ATRX: variants seen among roughly 807,000 people sequenced by gnomAD.
ATRX encodes ATRX chromatin remodeler, also known as chromatin remodeler ATRX.
In ATRX, 12 loss-of-function variants were observed where a neutral mutation model predicts 172.6. The ratio of observed to expected loss-of-function variants is 0.07; its 90% CI spans 0.04 to 0.11. The LOEUF is 0.11. ATRX is among the 10% of genes least tolerant of loss of function. ATRX has a pLI of 1.00. For synonymous variants in ATRX, 674 were observed against 594.7 expected (o/e 1.13, Z -1.94); for missense variants, 1,368 against 1,767.4 (o/e 0.77, Z 4.05).
intron 27 of ATRX, among the ~76,000 whole-genome samples, chrX:77,584,608 A>G (rs1166146129): frequency 9.0e-6 from 1 of 111,688 alleles, no homozygotes; most frequent in Admixed American, 9.6e-5. Context: ...ATACATATTC[A>G]GGAGAAAAAA....
chrX:77,621,615 T>A (rs781970493), intron 19 of ATRX, among the ~76,000 whole-genome samples: 4 of 112,583 alleles, frequency 3.6e-5, no homozygotes, highest in South Asian at 7.2e-4. Flanking sequence ...CCAGCTGATA[T>A]ATATTTTTTC....
At position 77,664,724 on chromosome X, in the gene ATRX, C is replaced by T. The variant is rs2148497790; in HGVS notation, c.3864G>A (p.Glu1288=). Residue 1288 remains glutamate, a synonymous_variant, in exon 11 of 35, where the codon GAG becomes GAA. Coordinates refer to ENST00000373344, the MANE Select transcript of ATRX (RefSeq NM_000489.6). ...CTGGCTCATCATCTGAAGATCCATC[C>T]TCATCAGAGGAAAGATTGGCTTTAA... ...EEIKANLSSD[E]DGSSDDEPEE... The T allele has an allele frequency of 8.3e-7, 1 of 1,207,347 alleles. No individual in the cohort carries two copies.
At chrX:77,592,995 G>A (rs375291993) in intron 26 of ATRX, among the ~76,000 whole-genome samples, 19 of 109,210 alleles carry the variant, frequency 1.7e-4, no homozygotes, top group East Asian at 5.8e-4. Flanking sequence ...AGGCTGAGGC[G>A]CACAAATTGC....
chrX:77,582,305 CG>C (rs1465649979), intron 27 of ATRX, among the ~76,000 whole-genome samples: 10 of 108,057 alleles, frequency 9.3e-5, no homozygotes, highest in African/African-American at 3.4e-4. Flanking sequence ...GAGGCTGAGG[CG>C]GAAGAATCAT....
chrX:77,574,409 T>TA, intron 27 of ATRX, 51 bp from the exon 28 acceptor site: 4 of 914,683 alleles, frequency 4.4e-6, no homozygotes, highest in Non-Finnish European at 4.8e-6. Context: ...TCGCTCTGCT[T>TA]ACTGGTAAGA....
intron 1 of ATRX, among the ~76,000 whole-genome samples, chrX:77,759,311 A>C (rs1471480148): frequency 9.0e-6 from 1 of 110,966 alleles, no homozygotes; most frequent in Non-Finnish European, 1.9e-5. Context: ...CAAAGGAGAC[A>C]TGTTTAAGAA....
At chrX:77,778,405 T>A (rs1312179412) in intron 1 of ATRX, among the ~76,000 whole-genome samples, 2 of 88,510 alleles carry the variant, frequency 2.3e-5, no homozygotes, top group African/African-American at 4.3e-5. Flanking sequence ...ACAGAGGAAG[T>A]CCCTGTCTCT....
At chrX:77,635,585 T>G (rs1569533684) in intron 16 of ATRX, among the ~76,000 whole-genome samples, 2 of 112,540 alleles carry the variant, frequency 1.8e-5, no homozygotes, top group African/African-American at 3.2e-5. Flanking sequence ...TAGCATTTTC[T>G]GAAAAAGGCT....
At chrX:77,675,261 T>C (rs2070808411) in intron 10 of ATRX, 1 of 112,210 alleles carries the variant, frequency 8.9e-6, no homozygotes, top group Non-Finnish European at 1.9e-5. Context: ...AAATCTATCA[T>C]GGATTTTTTG....
At chrX:77,564,438 T>C (rs2065126267) in intron 28 of ATRX, among the ~76,000 whole-genome samples, 1 of 110,235 alleles carries the variant, frequency 9.1e-6, no homozygotes, top group Admixed American at 9.7e-5. Context: ...CACACTGGAG[T>C]GCAATGGCAT....
At chrX:77,593,952 A>C in intron 25 of ATRX, 103 bp from the exon 26 acceptor site, 1 of 758,299 alleles carries the variant, frequency 1.3e-6, no homozygotes, top group Non-Finnish European at 2.0e-6. Flanking sequence ...TAAGAAAGAA[A>C]CTGATGGGGA....
chrX:77,699,041 GATT>G (rs1373120129), intron 2 of ATRX, among the ~76,000 whole-genome samples: 11 of 110,132 alleles, frequency 1.0e-4, no homozygotes, highest in Non-Finnish European at 2.1e-4. Flanking sequence ...AAATAATAAA[GATT>G]ATGGCAGAAA....
chrX:77,519,868 T>C (rs1557040581), intron 34 of ATRX, among the ~76,000 whole-genome samples: 1 of 111,865 alleles, frequency 8.9e-6, no homozygotes, highest in East Asian at 2.8e-4. Context: ...ATGTTTATTG[T>C]AGCACTGTTC....
chrX:77,544,447 AGCGT>A (rs1557052341), intron 30 of ATRX, among the ~76,000 whole-genome samples: 3 of 110,107 alleles, frequency 2.7e-5, no homozygotes, highest in Non-Finnish European at 5.7e-5. Context: ...TTTAAGTTTT[AGCGT>A]ACATGTGCAC....
At chrX:77,766,036 G>A (rs1212303213) in intron 1 of ATRX, among the ~76,000 whole-genome samples, 1 of 111,980 alleles carries the variant, frequency 8.9e-6, no homozygotes, top group African/African-American at 3.2e-5. Flanking sequence ...AGGATCCCAA[G>A]GCAGAAGAAT....
intron 2 of ATRX, among the ~76,000 whole-genome samples, chrX:77,704,369 G>A (rs1557155707): frequency 8.9e-6 from 1 of 111,781 alleles, no homozygotes; most frequent in African/African-American, 3.3e-5. Flanking sequence ...GTTTTTATGG[G>A]CCTCAGAGGG....
intron 19 of ATRX, among the ~76,000 whole-genome samples, chrX:77,632,488 T>G (rs1365694538): frequency 9.0e-6 from 1 of 111,687 alleles, no homozygotes; most frequent in African/African-American, 3.3e-5. Flanking sequence ...ATTAACTACC[T>G]CATTATCTTT....
intron 1 of ATRX, among the ~76,000 whole-genome samples, chrX:77,733,073 A>G (rs1210356652): frequency 8.9e-6 from 1 of 112,479 alleles, no homozygotes; most frequent in Non-Finnish European, 1.9e-5. Flanking sequence ...TCAGTATAAA[A>G]AATCAATATA....
chrX:77,760,199 A>G (rs1410248830), intron 1 of ATRX, among the ~76,000 whole-genome samples: 2 of 108,018 alleles, frequency 1.9e-5, no homozygotes, highest in African/African-American at 6.7e-5. Context: ...TGGCTATTGT[A>G]TTGGACAGTG....
Sources: gnomAD v4.1 joint callset for allele counts (sites outside exome capture counted in the v4.1 genomes callset) on GRCh38, gnomAD v4.1.1 for gene constraint, MANE v1.5 for transcripts, NCBI Gene and HGNC (gene_info 2026-07-23, HGNC 2026-07-21) for gene names.